Variants in ABCA9 observed in about 807,000 individuals in gnomAD.
The protein encoded by ABCA9 is ATP-binding cassette sub-family A member 9.
A neutral mutation model predicts 205.3 loss-of-function variants in ABCA9; 183 were observed. The observed-to-expected ratio is 0.89, with a 90% CI of 0.79 to 1.01. The LOEUF is 1.01. ABCA9 is among the 50% of genes least tolerant of loss of function. The pLI, the probability that ABCA9 is intolerant of heterozygous loss-of-function variation, is 0.00. For synonymous variants in ABCA9, 651 were observed against 683.3 expected, an observed-to-expected ratio of 0.95 and a Z score of 0.74; for missense variants, 1,805 against 1,912.4, an observed-to-expected ratio of 0.94 and a Z score of 1.05.
upstream of ABCA9, among the ~76,000 whole-genome samples, chr17:69,063,666 G>A (rs1016006748): frequency 5.3e-5 from 8 of 151,944 alleles, no homozygotes; most frequent in Non-Finnish European, 8.8e-5. Context: ...TCCGCCTCCC[G>A]GGTTCATGCC....
intron 23 of ABCA9, among the ~76,000 whole-genome samples, chr17:69,009,665 G>A (rs1313848959): frequency 3.9e-5 from 6 of 152,292 alleles, no homozygotes; most frequent in African/African-American, 1.2e-4. Flanking sequence ...ATGAAAAATA[G>A]AGACGACTAA....
chr17:68,992,373 C>T (rs571092102), intron 27 of ABCA9, 107 bp from the exon 28 acceptor site: 3 of 706,938 alleles, frequency 4.2e-6, no homozygotes, highest in Admixed American at 6.6e-5. Flanking sequence ...GATTTGATAG[C>T]ATTCATTTTT....
chr17:69,013,619 T>C (rs2070467004), intron 22 of ABCA9, among the ~76,000 whole-genome samples: 1 of 152,096 alleles, frequency 6.6e-6, no homozygotes, highest in Admixed American at 6.6e-5. Context: ...ATTATGTCTG[T>C]GTTAGATCAT....
chr17:69,020,908 G>A (rs2070787014), intron 18 of ABCA9: 1 of 223,848 alleles, frequency 4.5e-6, no homozygotes, highest in Non-Finnish European at 8.8e-6. Flanking sequence ...AAACCACTTA[G>A]TATTTCTGAC....
intron 25 of ABCA9, among the ~76,000 whole-genome samples, chr17:68,999,614 T>A (rs1207586899): frequency 6.6e-6 from 1 of 150,868 alleles, no homozygotes; most frequent in Non-Finnish European, 1.5e-5. Flanking sequence ...TATAGCAGCA[T>A]GATTTATAGT....
chr17:69,034,001 G>C (rs2071248491), intron 8 of ABCA9, 128 bp from the exon 9 acceptor site: 2 of 733,314 alleles, frequency 2.7e-6, no homozygotes, highest in Non-Finnish European at 4.4e-6. Context: ...ACAGAGCTCT[G>C]TCTACTATTA....
the ABCA9 span, among the ~76,000 whole-genome samples, chr17:69,075,254 C>A: frequency 6.6e-6 from 1 of 152,086 alleles, no homozygotes; most frequent in Non-Finnish European, 1.5e-5. Context: ...TTACTTAGGT[C>A]CCGCTTGTCC....
rs752980533 is a variant in ABCA9 at position 69,026,424 on chromosome 17, G to C, written c.2094C>G (p.Gly698=). The C allele has an allele frequency of 3.1e-6, 5 of 1,613,864 alleles. No individual in the cohort carries two copies. The highest frequency in any genetic ancestry group is 4.2e-6 in the Non-Finnish European group (5 of 1,179,820). The change falls in exon 16 of 39, where the codon GGC becomes GGG. Residue 698 remains glycine, a synonymous_variant. Coordinates refer to ENST00000340001, the MANE Select transcript of ABCA9 (RefSeq NM_080283.4). The stretch of plus-strand genomic sequence containing the variant: ...ATTTCTTCTTAAGGAACAGAGAAGA[G>C]CCTGCACACTTCAGCTTCCCATTGG... The part of the protein sequence containing the change: ...FISNGKLKCA[G]SSLFLKKKWG...
At position 69,051,022 on chromosome 17, in the gene ABCA9, G is replaced by A; in HGVS notation, c.96+9C>T. The A allele has an allele frequency of 6.2e-7, 1 of 1,612,534 alleles. No individual in the cohort carries two copies. The highest frequency in any genetic ancestry group is 8.5e-7 in the Non-Finnish European group (1 of 1,178,900). ...CTAAATATGAGAACACATAGACTCT[G>A]AAGCATACCAACAAGGTCTGTCTTT... On this transcript the variant is annotated intron_variant, in intron 2 of 38. Transcript: ENST00000340001.
intron 6 of ABCA9, among the ~76,000 whole-genome samples, chr17:69,038,995 A>G (rs1329378952): frequency 6.6e-6 from 1 of 152,126 alleles, no homozygotes; most frequent in African/African-American, 2.4e-5. Context: ...ACCTAGGAAT[A>G]CAACTTACAA....
rs2068856737 is a variant in ABCA9 at position 68,974,645 on chromosome 17, G to A, written c.*1270C>T. Reference sequence around the variant, plus strand: ...AACTCACCTAAATAAGAGTATACAAGTTTATTTTAAGGTGTTCATAGGGTT... The same window carrying A: ...AACTCACCTAAATAAGAGTATACAAATTTATTTTAAGGTGTTCATAGGGTT... On this transcript the variant is annotated 3_prime_UTR_variant, in exon 39 of 39. Transcript: ENST00000340001. 6.6e-6 allele frequency: 1 copy of A among 152,058 alleles called. No homozygotes were observed. Among genetic ancestry groups the A allele is most frequent in the East Asian group, 1.9e-4 (1 of 5,200 alleles). The allele number at this position is 152,058 out of a possible 1,614,324, so 9.4% of individuals were successfully genotyped here.
At chr17:69,064,156 A>G (rs938046853), upstream of ABCA9, among the ~76,000 whole-genome samples, 4 of 152,116 alleles carry the variant, frequency 2.6e-5, no homozygotes, top group African/African-American at 9.7e-5. Context: ...TCTTCCAGTC[A>G]TCTTATTTTA....
At chr17:69,014,493 T>C (rs1253994838) in intron 22 of ABCA9, among the ~76,000 whole-genome samples, 1 of 152,144 alleles carries the variant, frequency 6.6e-6, no homozygotes, top group Non-Finnish European at 1.5e-5. Flanking sequence ...TAAGGGATGC[T>C]CAATCTATAA....
intron 25 of ABCA9, among the ~76,000 whole-genome samples, chr17:68,997,594 CTTT>C: frequency 0.078 from 9,740 of 125,406 alleles, 990 homozygotes; most frequent in African/African-American, 0.26. Flanking sequence ...TATTTTTTTT[CTTT>C]TTTTTTTTTT....
At chr17:69,002,971 T>C (rs1256564561) in intron 25 of ABCA9, among the ~76,000 whole-genome samples, 18 of 145,956 alleles carry the variant, frequency 1.2e-4, no homozygotes, top group Non-Finnish European at 2.5e-4. Flanking sequence ...ATTTGCTTGG[T>C]AGATCTTCCT....
intron 22 of ABCA9, among the ~76,000 whole-genome samples, chr17:69,015,113 G>A (rs1432782426): frequency 6.6e-6 from 1 of 152,052 alleles, no homozygotes; most frequent in Non-Finnish European, 1.5e-5. Flanking sequence ...AGAAGGGGAG[G>A]GAAAGGGGAT....
At position 68,999,649 on chromosome 17, in the gene ABCA9, G is replaced by A. The variant is rs1167645781; in HGVS notation, c.3436-3635C>T. On this transcript the variant is annotated intron_variant, in intron 25 of 38. Transcript: ENST00000340001. Reference sequence around the variant, plus strand: ...TCCTTTGGGTATATACGCAGTAATGGGATGGCTGGGTCAAATGGTATTTCT... The same window carrying A: ...TCCTTTGGGTATATACGCAGTAATGAGATGGCTGGGTCAAATGGTATTTCT... Among the ~76,000 whole-genome samples, 7 of 151,880 alleles carry A rather than the reference G, an allele frequency of 4.6e-5. No individual in the cohort carries two copies. The East Asian group carries it at 1.4e-3, about 30-fold the overall frequency.
intron 31 of ABCA9, among the ~76,000 whole-genome samples, chr17:68,988,185 T>C (rs2069311737): frequency 6.6e-6 from 1 of 152,236 alleles, no homozygotes; most frequent in Non-Finnish European, 1.5e-5. Flanking sequence ...ACACTCCCTC[T>C]GACATTGAGC....
intron 5 of ABCA9, 101 bp from the exon 6 acceptor site, chr17:69,043,816 G>T: frequency 9.7e-7 from 1 of 1,030,184 alleles, no homozygotes; most frequent in Non-Finnish European, 1.4e-6. Flanking sequence ...CTACATTTAT[G>T]TATTTTATGT....
Sources: allele counts gnomAD v4.1 joint callset (sites outside exome capture counted in the v4.1 genomes callset), GRCh38; gene constraint gnomAD v4.1.1; transcripts MANE v1.5; gene names NCBI Gene and HGNC (gene_info 2026-07-23, HGNC 2026-07-21).